The following MED12L variants were observed in gnomAD, a reference collection of about 807,000 sequenced individuals.
MED12L encodes mediator complex subunit 12L.
MED12L carries 60 observed loss-of-function variants against 281.3 expected under a neutral mutation model. That is an observed-to-expected ratio of 0.21 (90% confidence interval 0.17 to 0.26). The LOEUF (loss-of-function observed/expected upper bound fraction) is 0.26, where lower values mean the gene tolerates loss of function less well. MED12L is among the 10% of genes least tolerant of loss of function. The pLI is 1.00. For synonymous variants in MED12L, 974 were observed against 987.2 expected (o/e 0.99, Z 0.25); for missense variants, 2,146 against 2,680.9 (o/e 0.80, Z 4.41).
At chr3:151,179,754 A>G (rs1722492696) in intron 11 of MED12L, among the ~76,000 whole-genome samples, 1 of 152,168 alleles carries the variant, frequency 6.6e-6, no homozygotes, top group Non-Finnish European at 1.5e-5. Flanking sequence ...CCTTATCTGT[A>G]TGTCTTTAAT....
intron 16 of MED12L, among the ~76,000 whole-genome samples, chr3:151,276,842 T>G (rs1741949077): frequency 1.3e-5 from 2 of 152,170 alleles, no homozygotes; most frequent in Non-Finnish European, 2.9e-5. Context: ...ACTTCCCCTG[T>G]GTCTTCATGC....
intron 16 of MED12L, chr3:151,299,985 TA>T: frequency 2.1e-6 from 2 of 974,768 alleles, no homozygotes; most frequent in Non-Finnish European, 3.3e-6. Flanking sequence ...CTCTGACCAT[TA>T]AACTCCCCAA....
intron 5 of MED12L, among the ~76,000 whole-genome samples, chr3:151,153,200 T>A (rs1718794368): frequency 6.6e-6 from 1 of 152,178 alleles, no homozygotes. Flanking sequence ...TGAAACCCCT[T>A]CCAGGTCAGC....
At chr3:151,326,327 A>G (rs929929960) in intron 16 of MED12L, 2 of 152,622 alleles carry the variant, frequency 1.3e-5, no homozygotes, top group Non-Finnish European at 2.9e-5. Context: ...TTTATCAAAC[A>G]TTTATTGATT....
chr3:151,134,414 G>A (rs1715846427), intron 5 of MED12L, among the ~76,000 whole-genome samples: 1 of 152,212 alleles, frequency 6.6e-6, no homozygotes, highest in South Asian at 2.1e-4. Context: ...TGATGTGCAG[G>A]TGGTGCACAG....
chr3:151,143,963 C>G (rs1442175708), intron 5 of MED12L, among the ~76,000 whole-genome samples: 2 of 152,228 alleles, frequency 1.3e-5, no homozygotes, highest in Non-Finnish European at 2.9e-5. Flanking sequence ...GGCTGTTGCT[C>G]ACTCAGGTAT....
At chr3:151,277,024 G>A (rs965921673) in intron 16 of MED12L, among the ~76,000 whole-genome samples, 1 of 152,118 alleles carries the variant, frequency 6.6e-6, no homozygotes, top group Admixed American at 6.5e-5. Context: ...AGCCTCCTGA[G>A]TACCTGGGAT....
chr3:151,427,788 T>C (rs28718063), intron 43 of MED12L, among the ~76,000 whole-genome samples: 18,951 of 152,204 alleles, frequency 0.12, 1,597 homozygotes, highest in East Asian at 0.42. Flanking sequence ...GGAATAAGTT[T>C]TGTTGATCTA....
intron 2 of MED12L, among the ~76,000 whole-genome samples, chr3:151,094,668 T>TA: frequency 6.6e-6 from 1 of 152,326 alleles, no homozygotes; most frequent in East Asian, 1.9e-4. Flanking sequence ...AATTTTGACT[T>TA]AAAAATATAT....
chr3:151,352,885 CAA>C (rs1455641066), intron 17 of MED12L, among the ~76,000 whole-genome samples: 1 of 151,736 alleles, frequency 6.6e-6, no homozygotes, highest in Admixed American at 6.6e-5. Context: ...AATTAAGCAA[CAA>C]AAGAGCAATA....
intron 32 of MED12L, among the ~76,000 whole-genome samples, 198 bp downstream of exon 32, chr3:151,380,422 C>A (rs1577506066): frequency 6.6e-6 from 1 of 151,994 alleles, no homozygotes; most frequent in African/African-American, 2.4e-5. Context: ...CATGGTGAAA[C>A]CCCGTCTGTA....
chr3:151,300,057 G>A (rs774789446), intron 16 of MED12L: 26 of 1,580,872 alleles, frequency 1.6e-5, no homozygotes, highest in Middle Eastern at 1.7e-4. Flanking sequence ...TATCTCTTAC[G>A]ACGGCTTACT....
chr3:151,403,751 G>T (rs182704121), intron 39 of MED12L, among the ~76,000 whole-genome samples: 3 of 152,280 alleles, frequency 2.0e-5, no homozygotes, highest in Non-Finnish European at 4.4e-5. Context: ...TTGTTTCACT[G>T]CCATTTTAAT....
chr3:151,134,382 CT>C (rs1433996336), intron 5 of MED12L, among the ~76,000 whole-genome samples: 1 of 152,120 alleles, frequency 6.6e-6, no homozygotes, highest in Non-Finnish European at 1.5e-5. Context: ...ATACGTTATT[CT>C]CATTTCGTGG....
intron 16 of MED12L, among the ~76,000 whole-genome samples, chr3:151,221,656 A>C (rs113933667): frequency 0.03 from 4,596 of 152,314 alleles, 222 homozygotes; most frequent in African/African-American, 0.11. Flanking sequence ...GCGAGTGCAC[A>C]GAAGTCAAGA....
intron 16 of MED12L, among the ~76,000 whole-genome samples, chr3:151,230,301 G>A (rs1731397211): frequency 6.6e-6 from 1 of 152,162 alleles, no homozygotes; most frequent in South Asian, 2.1e-4. Flanking sequence ...ATGCGTGTCT[G>A]TTTTAGAACA....
chr3:151,244,550 A>C lies in MED12L; in HGVS notation c.2250+50884A>C, dbSNP rs544122024. On this transcript the variant is annotated intron_variant, in intron 16 of 44. Coordinates refer to ENST00000687756, the MANE Select transcript of MED12L (RefSeq NM_001393769.1). ...CATAACGAAATGAAGGCAGAAATAA[A>C]GATGTTCTTTGAAACCAGTGAGAAC... Among the ~76,000 whole-genome samples, 91 of 151,158 alleles carry C rather than the reference A, an allele frequency of 6.0e-4. No individual in the cohort carries two copies. In the East Asian group the frequency reaches 0.016, roughly 27 times the overall value.
At chr3:151,230,516 A>G (rs1731446479) in intron 16 of MED12L, among the ~76,000 whole-genome samples, 3 of 151,040 alleles carry the variant, frequency 2.0e-5, no homozygotes, top group Admixed American at 1.3e-4. Context: ...TTTGATGCTC[A>G]TTGACATCCT....
At chr3:151,386,773 A>G (rs1048839252) in intron 36 of MED12L, among the ~76,000 whole-genome samples, 3 of 151,914 alleles carry the variant, frequency 2.0e-5, no homozygotes, top group Admixed American at 6.6e-5. Context: ...ACGGAGTTTC[A>G]CCATCTTGGC....
Sources: allele counts gnomAD v4.1 joint callset (sites outside exome capture counted in the v4.1 genomes callset), GRCh38; gene constraint gnomAD v4.1.1; transcripts MANE v1.5; gene names NCBI Gene and HGNC (gene_info 2026-07-23, HGNC 2026-07-21).